KCNQ3: variants seen among roughly 807,000 people sequenced by gnomAD.
KCNQ3 encodes potassium voltage-gated channel subfamily KQT member 3.
In KCNQ3, 30 loss-of-function variants were observed where a neutral mutation model predicts 92.5. The observed-to-expected ratio is 0.32, with a 90% CI of 0.24 to 0.44. The LOEUF (loss-of-function observed/expected upper bound fraction) is 0.44, where lower values mean the gene tolerates loss of function less well. Among genes scored for constraint, KCNQ3 ranks in the 20% least tolerant of loss-of-function variants. The pLI, the probability that KCNQ3 is intolerant of heterozygous loss-of-function variation, is 1.00. For synonymous variants in KCNQ3, 450 were observed against 468.8 expected (o/e 0.96, Z 0.52); for missense variants, 913 against 1,140.3 (o/e 0.80, Z 2.87).
intron 5 of KCNQ3, 42 bp downstream of exon 5, chr8:132,175,411 A>G: frequency 6.2e-7 from 1 of 1,608,612 alleles, no homozygotes. Context: ...CTGACTCTTG[A>G]CAGTCAATCT....
intron 1 of KCNQ3, among the ~76,000 whole-genome samples, chr8:132,303,770 C>T (rs1163933370): frequency 1.4e-5 from 2 of 144,290 alleles, no homozygotes; most frequent in African/African-American, 5.1e-5. Flanking sequence ...TATCAGCCTC[C>T]CATAAAATAT....
chr8:132,146,408 C>CACTT (rs1269057631), intron 9 of KCNQ3, among the ~76,000 whole-genome samples: 4 of 152,114 alleles, frequency 2.6e-5, no homozygotes, highest in African/African-American at 9.7e-5. Context: ...TATATGATTC[C>CACTT]ACTTATATGG....
chr8:132,268,363 C>A (rs1816053725), intron 1 of KCNQ3, among the ~76,000 whole-genome samples: 1 of 152,186 alleles, frequency 6.6e-6, no homozygotes, highest in Non-Finnish European at 1.5e-5. Flanking sequence ...CTCGTGGGTT[C>A]AAGAGATTCT....
chr8:132,354,668 G>A (rs1818968993), intron 1 of KCNQ3, among the ~76,000 whole-genome samples: 1 of 152,158 alleles, frequency 6.6e-6, no homozygotes, highest in Non-Finnish European at 1.5e-5. Flanking sequence ...ACTTCTGATG[G>A]GCAAGTTATT....
rs1825730920 is a variant in KCNQ3 at position 132,154,200 on chromosome 8, T to TTTTTTTTTTTTTTTTG, written c.1262+9267_1262+9268insCAAAAAAAAAAAAAAA. ...ACCATCAAAAGGGTAAAAGTTTTTT[T>TTTTTTTTTTTTTTTTG]TTTTTTTTTTTTTTTTTTTTTTTAG... On this transcript the variant is annotated intron_variant, in intron 9 of 14. Transcript: ENST00000388996. Among the ~76,000 whole-genome samples the TTTTTTTTTTTTTTTTG allele has an allele frequency of 7.2e-5, 5 of 69,388 alleles. 1 individual carries two copies. Among genetic ancestry groups the TTTTTTTTTTTTTTTTG allele is most frequent in the South Asian group, 3.8e-4 (1 of 2,630 alleles). 45.5% of individuals were successfully genotyped at this position (69,388 alleles called of 152,430 possible).
intron 1 of KCNQ3, among the ~76,000 whole-genome samples, chr8:132,400,512 C>T (rs1427157762): frequency 3.9e-5 from 6 of 152,228 alleles, no homozygotes; most frequent in African/African-American, 9.6e-5. Context: ...AGCAAGAGCA[C>T]GGAGCCAGCT....
chr8:132,203,916 T>C (rs989386761), intron 1 of KCNQ3, among the ~76,000 whole-genome samples: 6 of 152,246 alleles, frequency 3.9e-5, no homozygotes, highest in African/African-American at 1.4e-4. Flanking sequence ...CAACTGTCAC[T>C]ATTACAATAC....
intron 9 of KCNQ3, among the ~76,000 whole-genome samples, chr8:132,160,329 T>A (rs1825946295): frequency 6.6e-6 from 1 of 152,204 alleles, no homozygotes; most frequent in African/African-American, 2.4e-5. Context: ...TCCCTATGCA[T>A]CTGCAAGGTC....
At chr8:132,403,012 A>G (rs1281492543) in intron 1 of KCNQ3, among the ~76,000 whole-genome samples, 1 of 117,564 alleles carries the variant, frequency 8.5e-6, no homozygotes, top group Non-Finnish European at 1.9e-5. Context: ...GCGAGGCACC[A>G]TCACAAAAAA....
At chr8:132,131,917 A>G (rs1824892749) in intron 14 of KCNQ3, among the ~76,000 whole-genome samples, 1 of 151,976 alleles carries the variant, frequency 6.6e-6, no homozygotes, top group South Asian at 2.1e-4. Context: ...GTGAAACCCC[A>G]TCTCTACTAA....
intron 1 of KCNQ3, among the ~76,000 whole-genome samples, chr8:132,355,270 T>G (rs1818988950): frequency 6.6e-6 from 1 of 152,110 alleles, no homozygotes; most frequent in African/African-American, 2.4e-5. Flanking sequence ...AAGGATCACA[T>G]ATCTAGTAGG....
At chr8:132,455,757 T>A (rs1285358404) in intron 1 of KCNQ3, among the ~76,000 whole-genome samples, 1 of 152,188 alleles carries the variant, frequency 6.6e-6, no homozygotes, top group Non-Finnish European at 1.5e-5. Context: ...TGTTTGTTTG[T>A]TTGAGACAGA....
At chr8:132,166,833 C>G (rs1826157049) in intron 8 of KCNQ3, among the ~76,000 whole-genome samples, 1 of 152,164 alleles carries the variant, frequency 6.6e-6, no homozygotes, top group South Asian at 2.1e-4. Flanking sequence ...CCTTCCAAAC[C>G]TTTGGCAGGA....
At chr8:132,366,074 A>T (rs113907253) in intron 1 of KCNQ3, among the ~76,000 whole-genome samples, 75 of 152,198 alleles carry the variant, frequency 4.9e-4, no homozygotes, top group Non-Finnish European at 7.6e-4. Context: ...AGAGAAATAC[A>T]GACAGAATTG....
At chr8:132,169,794 C>T (rs542737201) in intron 8 of KCNQ3, among the ~76,000 whole-genome samples, 23 of 152,312 alleles carry the variant, frequency 1.5e-4, no homozygotes, top group Admixed American at 1.0e-3. Context: ...GCTGCGGCCC[C>T]GGCCCTGGGG....
chr8:132,466,876 C>A (rs1204496689), intron 1 of KCNQ3, among the ~76,000 whole-genome samples: 2 of 152,094 alleles, frequency 1.3e-5, no homozygotes, highest in African/African-American at 4.8e-5. Flanking sequence ...TGGGGAAAAA[C>A]GTCTCTAAAG....
intron 1 of KCNQ3, among the ~76,000 whole-genome samples, chr8:132,228,197 A>C (rs1436734012): frequency 6.6e-6 from 1 of 152,224 alleles, no homozygotes; most frequent in Non-Finnish European, 1.5e-5. Context: ...TGATTTACAG[A>C]AATAAGTCCA....
intron 1 of KCNQ3, among the ~76,000 whole-genome samples, chr8:132,247,663 C>A (rs1005324004): frequency 6.6e-6 from 1 of 151,604 alleles, no homozygotes; most frequent in Non-Finnish European, 1.5e-5. Context: ...CCGGGCGTGG[C>A]GGTGGGAGCC....
intron 8 of KCNQ3, among the ~76,000 whole-genome samples, chr8:132,165,942 G>A (rs888594435): frequency 6.6e-6 from 1 of 152,134 alleles, no homozygotes. Flanking sequence ...AATGTTATTT[G>A]GCCATAGGAA....
Sources: gnomAD v4.1 joint callset for allele counts (sites outside exome capture counted in the v4.1 genomes callset) on GRCh38, gnomAD v4.1.1 for gene constraint, MANE v1.5 for transcripts, NCBI Gene and HGNC (gene_info 2026-07-23, HGNC 2026-07-21) for gene names.